The following DOCK3 variants were observed in gnomAD, a reference collection of about 807,000 sequenced individuals.
DOCK3 encodes the protein dedicator of cytokinesis 3, also known as dedicator of cytokinesis protein 3.
DOCK3 carries 60 observed loss-of-function variants against 265.6 expected under a neutral mutation model. The ratio of observed to expected loss-of-function variants is 0.23; its 90% CI spans 0.18 to 0.28. The LOEUF (loss-of-function observed/expected upper bound fraction) is 0.28, where lower values mean the gene tolerates loss of function less well. Among genes scored for constraint, DOCK3 ranks in the 10% least tolerant of loss-of-function variants. The pLI is 1.00. For synonymous variants in DOCK3, 881 were observed against 938.0 expected (o/e 0.94, Z 1.11); for missense variants, 1,981 against 2,594.3 (o/e 0.76, Z 5.14).
At chr3:51,216,411 G>A (rs146197339) in intron 14 of DOCK3, among the ~76,000 whole-genome samples, 157 of 152,246 alleles carry the variant, frequency 1.0e-3, no homozygotes, top group Non-Finnish European at 1.8e-3. Context: ...TCCCTCCTCC[G>A]GGCAGCTAAG....
At chr3:51,227,505 T>G (rs2090380189) in intron 16 of DOCK3, 60 bp downstream of exon 16, 2 of 1,596,414 alleles carry the variant, frequency 1.3e-6, no homozygotes, top group Non-Finnish European at 1.7e-6. Flanking sequence ...CTCTCTCCTC[T>G]CTTGAACAGA....
At chr3:51,231,586 TCTG>T in intron 19 of DOCK3, among the ~76,000 whole-genome samples, 1 of 152,344 alleles carries the variant, frequency 6.6e-6, no homozygotes, top group Admixed American at 6.5e-5. Context: ...GTCCATGTCT[TCTG>T]CTCACTTTTT....
intron 5 of DOCK3, among the ~76,000 whole-genome samples, chr3:50,937,969 A>T (rs1408182336): frequency 6.6e-6 from 1 of 152,086 alleles, no homozygotes; most frequent in Non-Finnish European, 1.5e-5. Context: ...TATGTTGTTT[A>T]TATGAAACTC....
intron 9 of DOCK3, among the ~76,000 whole-genome samples, chr3:51,092,379 AC>A: frequency 6.6e-6 from 1 of 152,204 alleles, no homozygotes; most frequent in Admixed American, 6.5e-5. Flanking sequence ...TTTTATGCTC[AC>A]GGTGTAAACA....
At chr3:51,351,511 C>G (rs556896691) in intron 40 of DOCK3, among the ~76,000 whole-genome samples, 31 of 152,256 alleles carry the variant, frequency 2.0e-4, no homozygotes, top group African/African-American at 6.7e-4. Context: ...TCATTCTAGG[C>G]TAGAAGGAAA....
intron 12 of DOCK3, among the ~76,000 whole-genome samples, chr3:51,205,270 C>G (rs1299224006): frequency 2.0e-5 from 3 of 151,882 alleles, no homozygotes; most frequent in Admixed American, 6.6e-5. Context: ...GCACTTTTAC[C>G]TAAATATGCC....
intron 47 of DOCK3, 134 bp downstream of exon 47, chr3:51,360,766 G>A: frequency 8.2e-7 from 1 of 1,216,764 alleles, no homozygotes; most frequent in Non-Finnish European, 1.1e-6. Flanking sequence ...TGTGGCTCCT[G>A]CCATAGGACC....
intron 1 of DOCK3, among the ~76,000 whole-genome samples, chr3:50,759,809 A>G (rs2675770): frequency 1 from 150,901 of 151,310 alleles, 75,251 homozygotes; most frequent in Middle Eastern, 1. Context: ...AATAAGCTGT[A>G]ATCATGCCAC....
chr3:51,262,420 C>T (rs2079906736), intron 23 of DOCK3, among the ~76,000 whole-genome samples: 1 of 152,156 alleles, frequency 6.6e-6, no homozygotes, highest in Non-Finnish European at 1.5e-5. Context: ...AGGTCAACAA[C>T]ATCAAACACC....
chr3:50,789,584 C>T (rs191519318), intron 2 of DOCK3, among the ~76,000 whole-genome samples: 35 of 152,214 alleles, frequency 2.3e-4, no homozygotes, highest in African/African-American at 6.5e-4. Context: ...TATTGAAGTC[C>T]GCCACCATTA....
chr3:51,184,205 G>A (rs2087461312), intron 12 of DOCK3, among the ~76,000 whole-genome samples: 1 of 152,010 alleles, frequency 6.6e-6, no homozygotes, highest in Non-Finnish European at 1.5e-5. Flanking sequence ...CAGCTACTCA[G>A]GAGGCTGAGG....
At chr3:51,249,397 G>C (rs2079052273) in intron 22 of DOCK3, among the ~76,000 whole-genome samples, 1 of 138,424 alleles carries the variant, frequency 7.2e-6, no homozygotes, top group Admixed American at 6.9e-5. Context: ...CCCCCGCCCG[G>C]CCAGCCGCCC....
At chr3:50,791,599 T>C (rs1032409123) in intron 2 of DOCK3, among the ~76,000 whole-genome samples, 3 of 152,116 alleles carry the variant, frequency 2.0e-5, no homozygotes, top group Admixed American at 6.5e-5. Flanking sequence ...CTTGAGTTGA[T>C]TTTTGTGCAT....
chr3:51,378,428 C>G (rs2088319251), intron 51 of DOCK3, among the ~76,000 whole-genome samples: 1 of 152,188 alleles, frequency 6.6e-6, no homozygotes, highest in Admixed American at 6.5e-5. Context: ...CCTTCCAAAG[C>G]CTGTCAGCTC....
chr3:50,934,201 T>C, intron 5 of DOCK3, 124 bp downstream of exon 5: 1 of 677,472 alleles, frequency 1.5e-6, no homozygotes, highest in East Asian at 2.8e-5. Context: ...CATATGTTCT[T>C]AATATTTACT....
chr3:50,963,985 G>C (rs961018566), intron 5 of DOCK3, among the ~76,000 whole-genome samples: 1 of 152,180 alleles, frequency 6.6e-6, no homozygotes, highest in African/African-American at 2.4e-5. Flanking sequence ...TCAGGGCTAG[G>C]GAAACACTCA....
At chr3:51,175,023 T>C (rs145611270) in intron 12 of DOCK3, among the ~76,000 whole-genome samples, 3 of 152,180 alleles carry the variant, frequency 2.0e-5, no homozygotes, top group African/African-American at 7.2e-5. Context: ...GTACAGACTG[T>C]TGTGGCTCCC....
intron 19 of DOCK3, among the ~76,000 whole-genome samples, chr3:51,230,934 A>C (rs554766684): frequency 1.5e-5 from 1 of 65,848 alleles, no homozygotes; most frequent in Admixed American, 1.1e-4. Flanking sequence ...TTTTTGGTAG[A>C]ATGATTTTTT....
intron 1 of DOCK3, among the ~76,000 whole-genome samples, chr3:50,703,805 C>A (rs2036209683): frequency 6.7e-6 from 1 of 148,484 alleles, no homozygotes; most frequent in Non-Finnish European, 1.5e-5. Flanking sequence ...TGCATTTAGT[C>A]CTGCTCTGAT....
Sources: allele counts gnomAD v4.1 joint callset (sites outside exome capture counted in the v4.1 genomes callset), GRCh38; gene constraint gnomAD v4.1.1; transcripts MANE v1.5; gene names NCBI Gene and HGNC (gene_info 2026-07-23, HGNC 2026-07-21).